The following TCEANC2 variants were observed in gnomAD, a reference collection of about 807,000 sequenced individuals.
TCEANC2 encodes transcription elongation factor A N-terminal and central domain containing 2.
A neutral mutation model predicts 22.8 loss-of-function variants in TCEANC2; 20 were observed. That is an observed-to-expected ratio of 0.88 (90% confidence interval 0.62 to 1.28). TCEANC2 has a LOEUF of 1.28. Among genes scored for constraint, TCEANC2 ranks in the 50% most tolerant of loss-of-function variants. The pLI is 0.00. For synonymous variants in TCEANC2, 84 were observed against 95.5 expected, an observed-to-expected ratio of 0.88 and a Z score of 0.70; for missense variants, 251 against 249.7, an observed-to-expected ratio of 1.01 and a Z score of -0.03.
chr1:54,110,154 C>T (rs1169587092), downstream of TCEANC2, among the ~76,000 whole-genome samples: 1 of 152,198 alleles, frequency 6.6e-6, no homozygotes, highest in Non-Finnish European at 1.5e-5. Flanking sequence ...AATGTGACCC[C>T]ACCCCTTAAT....
chr1:54,054,462 A>G lies in TCEANC2; in HGVS notation c.40A>G (p.Ser14Gly), dbSNP rs774965287. Reference sequence around the variant, plus strand: ...CATTCGAACGCCTAGAATCCAGAATAGCCCTCAGAAGAAAGATTCTGGAGG... The same window carrying G: ...CATTCGAACGCCTAGAATCCAGAATGGCCCTCAGAAGAAAGATTCTGGAGG... ...FVIRTPRIQN[S>G]PQKKDSGGKV... The change falls in exon 2 of 5, where the codon AGC becomes GGC. Residue 14 changes from serine to glycine, a missense_variant. By Grantham distance (56) the Ser-to-Gly change is moderately conservative. Transcript: ENST00000234827. 19 of 1,614,126 alleles carry G rather than the reference A, an allele frequency of 1.2e-5. No homozygotes were observed. Among genetic ancestry groups the G allele is most frequent in the Middle Eastern group, 1.6e-4 (1 of 6,062 alleles).
chr1:54,092,364 C>T (rs1192800946), intron 4 of TCEANC2, among the ~76,000 whole-genome samples: 1 of 152,190 alleles, frequency 6.6e-6, no homozygotes, highest in Admixed American at 6.6e-5. Context: ...GCAGTTAAAT[C>T]TGATGGGGGA....
intron 3 of TCEANC2, among the ~76,000 whole-genome samples, chr1:54,086,536 A>G (rs987735258): frequency 6.6e-6 from 1 of 152,202 alleles, no homozygotes; most frequent in African/African-American, 2.4e-5. Context: ...TATGCTCAAA[A>G]GTAAAGAGAT....
rs1658572638 is a variant in TCEANC2 at position 54,097,088 on chromosome 1, G to C, written c.*615G>C. The C allele has an allele frequency of 1.5e-6, 1 of 662,026 alleles. No individual in the cohort carries two copies. Among genetic ancestry groups the C allele is most frequent in the Admixed American group, 6.3e-5 (1 of 15,854 alleles). 41.0% of individuals were successfully genotyped at this position (662,026 alleles called of 1,614,324 possible). ...TGCTGAGGCTACTAATGAGGAACTG[G>C]CCCGAAGCCTCCCACACCTCAGGGT... On this transcript the variant is annotated 3_prime_UTR_variant, in exon 5 of 5. Coordinates refer to ENST00000234827, the MANE Select transcript of TCEANC2 (RefSeq NM_153035.3).
intron 3 of TCEANC2, among the ~76,000 whole-genome samples, chr1:54,073,140 A>T (rs934636195): frequency 1.1e-4 from 16 of 151,606 alleles, no homozygotes; most frequent in Non-Finnish European, 1.8e-4. Flanking sequence ...TCATTTGTTT[A>T]ATGTTTTGTA....
intron 3 of TCEANC2, among the ~76,000 whole-genome samples, chr1:54,083,082 C>G (rs958410183): frequency 6.6e-6 from 1 of 152,094 alleles, no homozygotes; most frequent in South Asian, 2.1e-4. Context: ...GCTGAGTGAA[C>G]ATAAGGTTGA....
rs1330388152 is a variant in TCEANC2, at chr1:54,103,851, A to T, written c.*7378A>T. ...CACTGCTTGTAGAGCTTCATCCAGC[A>T]CAACTCTCAAAGGGCTTATAGAATG... On this transcript the variant is annotated 3_prime_UTR_variant, in exon 5 of 5. Transcript: ENST00000234827. The T allele has an allele frequency of 6.6e-6, 1 of 150,384 alleles. No individual in the cohort carries two copies. The highest frequency in any genetic ancestry group is 1.5e-5 in the Non-Finnish European group (1 of 68,014). The allele number at this position is 150,384 out of a possible 1,614,324, so 9.3% of individuals were successfully genotyped here.
rs1248148718 is a variant in TCEANC2, at chr1:54,100,629, A to G, written c.*4156A>G. On this transcript the variant is annotated 3_prime_UTR_variant, in exon 5 of 5. Coordinates refer to ENST00000234827, the MANE Select transcript of TCEANC2 (RefSeq NM_153035.3). ...CAGAGGGCTCAGTCTATGTGAAAGCACAGAAGCGTGAGGTGTATGGCTAGT... is the reference window on the plus strand; with the variant it reads ...CAGAGGGCTCAGTCTATGTGAAAGCGCAGAAGCGTGAGGTGTATGGCTAGT... The G allele has an allele frequency of 1.3e-5, 2 of 152,246 alleles. No individual in the cohort carries two copies. Among genetic ancestry groups the G allele is most frequent in the Admixed American group, 6.5e-5 (1 of 15,282 alleles). The allele number at this position is 152,246 out of a possible 1,614,324, so 9.4% of individuals were successfully genotyped here.
intron 2 of TCEANC2, among the ~76,000 whole-genome samples, chr1:54,058,348 A>C (rs766769188): frequency 8.5e-5 from 13 of 152,098 alleles, no homozygotes; most frequent in Non-Finnish European, 1.6e-4. Context: ...CTGTATATTA[A>C]ACATGTCTGT....
At chr1:54,072,460 G>A (rs369579767) in intron 3 of TCEANC2, among the ~76,000 whole-genome samples, 14 of 151,172 alleles carry the variant, frequency 9.3e-5, no homozygotes, top group East Asian at 7.8e-4. Flanking sequence ...GCAGTGGCGC[G>A]ATCTCAGCTC....
chr1:54,089,732 T>A (rs1981039), intron 4 of TCEANC2: 131,152 of 274,220 alleles, frequency 0.48, 35,800 homozygotes, highest in African/African-American at 0.82. Context: ...TATCTCAATT[T>A]TTTATCTACA....
intron 3 of TCEANC2, among the ~76,000 whole-genome samples, chr1:54,076,059 GTGTTT>G (rs1016199791): frequency 1.3e-5 from 2 of 151,380 alleles, no homozygotes; most frequent in African/African-American, 4.9e-5. Context: ...AAGAAGAAAC[GTGTTT>G]TATTTTATTT....
chr1:54,054,311 G>T, intron 1 of TCEANC2, 70 bp from the exon 2 acceptor site: 1 of 1,519,216 alleles, frequency 6.6e-7, no homozygotes, highest in South Asian at 1.3e-5. Flanking sequence ...ACTCAATTGT[G>T]TTACTTTGGG....
downstream of TCEANC2, among the ~76,000 whole-genome samples, chr1:54,108,893 A>AC (rs1296622807): frequency 6.6e-6 from 1 of 151,694 alleles, no homozygotes; most frequent in African/African-American, 2.4e-5. Context: ...AATGGTGTGA[A>AC]CCCGGGTGGC....
At chr1:54,054,590 C>G in intron 2 of TCEANC2, 66 bp downstream of exon 2, 2 of 1,487,240 alleles carry the variant, frequency 1.3e-6, no homozygotes, top group Non-Finnish European at 1.8e-6. Flanking sequence ...GCTAGAGGTT[C>G]TGTTGTGGAA....
Position 54,084,988 on chromosome 1 carries a change from G to A in TCEANC2, c.245-3609G>A, listed in dbSNP as rs528748148. On this transcript the variant is annotated intron_variant, in intron 3 of 4. Transcript: ENST00000234827. ...ATTGGAATGCACTTTCCTAAGCATC[G>A]CTAGCTAGGAAGCACCTTTAGACAT... Among the ~76,000 whole-genome samples, 7 of 152,210 alleles carry A rather than the reference G, an allele frequency of 4.6e-5. No individual in the cohort carries two copies. The South Asian group carries it at 8.3e-4, about 18-fold the overall frequency.
intron 4 of TCEANC2, among the ~76,000 whole-genome samples, chr1:54,094,675 T>C (rs896494806): frequency 6.6e-6 from 1 of 152,202 alleles, no homozygotes; most frequent in African/African-American, 2.4e-5. Flanking sequence ...CCTGCCTTAG[T>C]CACTGTTTAT....
At chr1:54,054,631 C>G (rs1002449396) in intron 2 of TCEANC2, 107 bp downstream of exon 2, 1 of 1,135,794 alleles carries the variant, frequency 8.8e-7, no homozygotes, top group Non-Finnish European at 1.2e-6. Flanking sequence ...GTTATGCCTC[C>G]TCCTCAAAGT....
At chr1:54,083,222 G>A (rs1658279320) in intron 3 of TCEANC2, among the ~76,000 whole-genome samples, 1 of 152,130 alleles carries the variant, frequency 6.6e-6, no homozygotes, top group African/African-American at 2.4e-5. Context: ...TTGGTCTCGT[G>A]CTCAGTGAGA....
Sources: allele counts gnomAD v4.1 joint callset (sites outside exome capture counted in the v4.1 genomes callset), GRCh38; gene constraint gnomAD v4.1.1; transcripts MANE v1.5; gene names NCBI Gene and HGNC (gene_info 2026-07-23, HGNC 2026-07-21).